PPDPFL: variants seen among roughly 807,000 people sequenced by gnomAD.
PPDPFL encodes the protein pancreatic progenitor cell differentiation and proliferation factor like.
A neutral mutation model predicts 12.6 loss-of-function variants in PPDPFL; 12 were observed. The ratio of observed to expected loss-of-function variants is 0.95; its 90% CI spans 0.61 to 1.54. The LOEUF is 1.54. PPDPFL is among the 40% of genes most tolerant of loss of function. The pLI is 0.00. For missense variants in PPDPFL, 114 were observed against 96.0 expected (o/e 1.19, Z -0.78); for synonymous variants, 24 against 32.7 (o/e 0.73, Z 0.91).
chr8:49,069,023 G>T (rs992145075), upstream of PPDPFL, among the ~76,000 whole-genome samples: 13 of 152,208 alleles, frequency 8.5e-5, no homozygotes, highest in African/African-American at 3.1e-4. Flanking sequence ...GATACAAAAA[G>T]ATATACTTTA....
At chr8:49,059,506 T>A (rs1342236876) in intron 1 of PPDPFL, among the ~76,000 whole-genome samples, 2 of 152,212 alleles carry the variant, frequency 1.3e-5, no homozygotes, top group Admixed American at 6.5e-5. Flanking sequence ...GGTAGAAGAC[T>A]GACTTATTTT....
At chr8:49,066,912 C>A (rs1808309306) in intron 1 of PPDPFL, among the ~76,000 whole-genome samples, 1 of 152,112 alleles carries the variant, frequency 6.6e-6, no homozygotes, top group Non-Finnish European at 1.5e-5. Context: ...TACCTGATGA[C>A]CCCCTGTAAG....
rs745931839 is a variant in PPDPFL at position 49,072,783 on chromosome 8, T to C, written c.-44-4T>C. 1 of 1,467,316 alleles carries C rather than the reference T, an allele frequency of 6.8e-7. No individual in the cohort carries two copies. Among genetic ancestry groups the C allele is most frequent in the Non-Finnish European group, 9.3e-7 (1 of 1,076,864 alleles). 90.9% of individuals were successfully genotyped at this position (1,467,316 alleles called of 1,614,324 possible). A position where few individuals can be genotyped will look rare whatever the true frequency, so the allele number is the denominator to read the frequency against. On this transcript the variant is annotated splice_polypyrimidine_tract_variant and splice_region_variant and intron_variant, in intron 1 of 4. Coordinates refer to ENST00000522267, the MANE Select transcript of PPDPFL (RefSeq NM_001256597.2). ...AATGTCTCTTTTCTCTGTCGCTGTT[T>C]CAGATTAATGCTCACAGCTTCTTGG...
intron 1 of PPDPFL, among the ~76,000 whole-genome samples, chr8:49,067,043 G>A (rs1167339640): frequency 6.6e-6 from 1 of 152,082 alleles, no homozygotes; most frequent in Non-Finnish European, 1.5e-5. Context: ...AGATGAGATT[G>A]GTTTCTGTTG....
chr8:49,066,696 A>G (rs943002710), intron 1 of PPDPFL, among the ~76,000 whole-genome samples: 1 of 152,180 alleles, frequency 6.6e-6, no homozygotes, highest in African/African-American at 2.4e-5. Flanking sequence ...GATAAGAACA[A>G]CTTTCTCAGC....
intron 2 of PPDPFL, among the ~76,000 whole-genome samples, chr8:49,073,495 T>C (rs1485105529): frequency 6.6e-6 from 1 of 152,220 alleles, no homozygotes; most frequent in South Asian, 2.1e-4. Context: ...TTGTTTGTAG[T>C]ATAAGTGTTA....
chr8:49,062,027 A>G (rs1489063272), intron 1 of PPDPFL, among the ~76,000 whole-genome samples: 2 of 152,212 alleles, frequency 1.3e-5, no homozygotes, highest in African/African-American at 4.8e-5. Context: ...CTGGATCTAC[A>G]CCTATGTTCT....
rs1222298742 is a variant in PPDPFL at position 49,072,881 on chromosome 8, T to C, written c.51T>C (p.Tyr17=). ...IGCLLARNQY[Y]RKSSVSSVSS... is the part of the protein sequence containing the mutation. ...GCCTTCTAGCCAGAAATCAGTATTA[T>C]CGAAGTAAGTTGCATCATCATAGAG... Residue 17 remains tyrosine (Y), a synonymous_variant, in exon 2 of 5, where the codon TAT becomes TAC. Coordinates refer to ENST00000522267, the MANE Select transcript of PPDPFL (RefSeq NM_001256597.2). 1.2e-6 allele frequency: 2 copies of C among 1,606,348 alleles called. No homozygotes were observed. The highest frequency in any genetic ancestry group is 1.3e-5 in the African/African-American group (1 of 74,482).
At chr8:49,070,320 A>C (rs961152989), upstream of PPDPFL, among the ~76,000 whole-genome samples, 5 of 152,182 alleles carry the variant, frequency 3.3e-5, no homozygotes, top group African/African-American at 1.2e-4. Flanking sequence ...GTAATGAAAG[A>C]ATCTGTACAG....
At chr8:49,063,690 C>T (rs1001703783) in intron 1 of PPDPFL, among the ~76,000 whole-genome samples, 1 of 151,878 alleles carries the variant, frequency 6.6e-6, no homozygotes, top group Non-Finnish European at 1.5e-5. Flanking sequence ...TGCACTCCAG[C>T]CTGGGTGTCA....
At chr8:49,055,627 T>G (rs1377445031) in intron 1 of PPDPFL, among the ~76,000 whole-genome samples, 1 of 152,152 alleles carries the variant, frequency 6.6e-6, no homozygotes, top group African/African-American at 2.4e-5. Flanking sequence ...AAATGCCAGG[T>G]CTTGCATCTC....
upstream of PPDPFL, among the ~76,000 whole-genome samples, chr8:49,070,345 C>A (rs1406000023): frequency 6.6e-6 from 1 of 152,154 alleles, no homozygotes; most frequent in African/African-American, 2.4e-5. Context: ...TGCCACAACA[C>A]GTGTTACCTG....
chr8:49,057,466 A>G (rs1443105157), intron 1 of PPDPFL, among the ~76,000 whole-genome samples: 2 of 152,220 alleles, frequency 1.3e-5, no homozygotes, highest in East Asian at 1.9e-4. Context: ...TAAAGATTAT[A>G]TTTTACAAAA....
At chr8:49,058,557 A>C (rs1808146800) in intron 1 of PPDPFL, among the ~76,000 whole-genome samples, 1 of 152,250 alleles carries the variant, frequency 6.6e-6, no homozygotes, top group South Asian at 2.1e-4. Context: ...TTACAGTTTA[A>C]ATGCATTCTG....
intron 1 of PPDPFL, among the ~76,000 whole-genome samples, chr8:49,056,968 C>T (rs1246370358): frequency 6.6e-6 from 1 of 152,102 alleles, no homozygotes; most frequent in Non-Finnish European, 1.5e-5. Context: ...TGCACAGATA[C>T]CCCGTTTCTA....
In PPDPFL at chr8:49,074,073, T is replaced by C. The variant is rs1001853292; in HGVS notation, c.70T>C (p.Ser24Pro). ...GTTTCCTACAGAGTCCAGTGTTTCT[T>C]CAGTTAGTTCTTTAACTAGCTCTGA... ...NQYYRKSSVS[S>P]VSSLTSSDSV... The change falls in exon 3 of 5, where the codon TCA (serine) becomes CCA (proline). Residue 24 changes from serine to proline, a missense_variant. Ser to Pro is a moderately conservative substitution (Grantham distance 74). Coordinates refer to ENST00000522267, the MANE Select transcript of PPDPFL (RefSeq NM_001256597.2). 5.6e-6 allele frequency: 9 copies of C among 1,611,452 alleles called. No individual in the cohort carries two copies. The highest frequency in any genetic ancestry group is 7.6e-6 in the Non-Finnish European group (9 of 1,177,846).
intron 3 of PPDPFL, 27 bp downstream of exon 3, chr8:49,074,163 T>A (rs771065642): frequency 6.2e-7 from 1 of 1,603,284 alleles, no homozygotes; most frequent in Non-Finnish European, 8.5e-7. Context: ...TTCAGTGTCA[T>A]CCTTATTATT....
intron 1 of PPDPFL, among the ~76,000 whole-genome samples, chr8:49,065,585 AT>A (rs1473939114): frequency 6.6e-6 from 1 of 151,920 alleles, no homozygotes; most frequent in Non-Finnish European, 1.5e-5. Context: ...TCAGGAAATT[AT>A]TTAACTTAAT....
At chr8:49,068,035 T>C (rs1456110325), upstream of PPDPFL, among the ~76,000 whole-genome samples, 1 of 152,224 alleles carries the variant, frequency 6.6e-6, no homozygotes, top group African/African-American at 2.4e-5. Flanking sequence ...AGTTATAGCA[T>C]TTAAATCTAA....
Sources: gnomAD v4.1 joint callset for allele counts (sites outside exome capture counted in the v4.1 genomes callset) on GRCh38, gnomAD v4.1.1 for gene constraint, MANE v1.5 for transcripts, NCBI Gene and HGNC (gene_info 2026-07-23, HGNC 2026-07-21) for gene names.